TGM7: variants seen among roughly 807,000 people sequenced by gnomAD.
The protein encoded by TGM7 is protein-glutamine gamma-glutamyltransferase Z.
TGM7 carries 74 observed loss-of-function variants against 79.5 expected under a neutral mutation model. The ratio of observed to expected loss-of-function variants is 0.93; its 90% confidence interval spans 0.77 to 1.13. The LOEUF is 1.13. TGM7 is among the 50% of genes most tolerant of loss of function. The probability of loss-of-function intolerance (pLI) is 0.00; values close to 1 mark genes in which losing one functional copy is unlikely to be tolerated. For missense variants in TGM7, 912 were observed against 905.9 expected, an observed-to-expected ratio of 1.01 and a Z score of -0.09; for synonymous variants, 354 against 362.5, an observed-to-expected ratio of 0.98 and a Z score of 0.27.
At chr15:43,281,742 A>G in intron 9 of TGM7, 102 bp downstream of exon 9, 1 of 1,525,206 alleles carries the variant, frequency 6.6e-7, no homozygotes, top group Non-Finnish European at 8.9e-7. Context: ...GCCATGAGGA[A>G]GAGGTGATTC....
chr15:43,297,635 A>AAGAAAGAAAGAAAGAG (rs5812242), intron 1 of TGM7, among the ~76,000 whole-genome samples: 3,232 of 77,600 alleles, frequency 0.042, 57 homozygotes, highest in Admixed American at 0.05. Context: ...GAAAGAAAGA[A>AAGAAAGAAAGAAAGAG]AAAGAAAGAA....
intron 1 of TGM7, among the ~76,000 whole-genome samples, chr15:43,297,587 T>TGGAAAGAAAGAAAGAA (rs1555386111): frequency 1.5e-4 from 17 of 114,570 alleles, no homozygotes; most frequent in African/African-American, 6.1e-4. Context: ...TCTGCATGTA[T>TGGAAAGAAAGAAAGAA]AGAAAGAAAG....
chr15:43,284,729 T>G, intron 7 of TGM7, 85 bp downstream of exon 7: 1 of 1,511,262 alleles, frequency 6.6e-7, no homozygotes, highest in South Asian at 1.2e-5. Flanking sequence ...CTTGCAATAT[T>G]TCCTCAAGAG....
rs768088722 is a variant in TGM7 at position 43,276,909 on chromosome 15, C to T, written c.1926G>A (p.Thr642=). ...NTLMVALSSC[T]MVLEGSGLIN... ...TGAGGCCGCTTCCTTCCAGCACCAT[C>T]GTGCAGCTGCTCAGAGCCACCATTA... Residue 642 remains threonine, a synonymous_variant, in exon 12 of 13, where the codon ACG becomes ACA. Transcript: ENST00000452443. 24 of 1,614,060 alleles carry T rather than the reference C, an allele frequency of 1.5e-5. No individual in the cohort carries two copies. In the South Asian group the frequency reaches 2.2e-4, roughly 15 times the overall value.
At chr15:43,301,990 A>T in intron 1 of TGM7, 1 of 561,394 alleles carries the variant, frequency 1.8e-6, no homozygotes, top group Non-Finnish European at 3.2e-6. Flanking sequence ...TCCCAAGGCC[A>T]TTTCAGCCCC....
rs538347745 is a variant in TGM7 at position 43,288,696 on chromosome 15, G to A, written c.559-1027C>T. Reference sequence around the variant, plus strand: ...TGTAATCCCAGTACTTCGAGAGGCCGAGGCAGGTGGATCACCTGAGGTCAG... The same window carrying A: ...TGTAATCCCAGTACTTCGAGAGGCCAAGGCAGGTGGATCACCTGAGGTCAG... On this transcript the variant is annotated intron_variant, in intron 4 of 12. Transcript: ENST00000452443. Among the ~76,000 whole-genome samples the A allele has an allele frequency of 1.8e-4, 27 of 152,202 alleles. No individual in the cohort carries two copies. In the East Asian group the frequency reaches 3.5e-3, roughly 20 times the overall value.
Position 43,287,382 on chromosome 15 carries a change from C to A in TGM7, c.763G>T (p.Glu255Ter). 1 of 1,614,202 alleles carries A rather than the reference C, an allele frequency of 6.2e-7. No individual in the cohort carries two copies. The highest frequency in any genetic ancestry group is 8.5e-7 in the Non-Finnish European group (1 of 1,180,020). The stretch of plus-strand genomic sequence containing the variant: ...AGGATGGCCACACTGCCCTTCCACT[C>A]CAGAGGACTGACCCCTTTGGAGTAG... ...EDYSKGVSPL[E>*]WKGSVAILQQ... The change falls in exon 6 of 13, where the codon GAG (glutamate) becomes TAG (stop). Residue 255 changes from glutamate (E) to a stop codon, truncating the protein, a stop_gained. Transcript: ENST00000452443. LOFTEE classifies it high-confidence loss of function.
intron 1 of TGM7, among the ~76,000 whole-genome samples, chr15:43,298,044 A>T (rs952310780): frequency 6.6e-6 from 1 of 152,222 alleles, no homozygotes; most frequent in Non-Finnish European, 1.5e-5. Context: ...AGCATTTTAC[A>T]TGTCTGAAAG....
At chr15:43,288,004 G>A (rs953006759) in intron 4 of TGM7, among the ~76,000 whole-genome samples, 5 of 152,104 alleles carry the variant, frequency 3.3e-5, no homozygotes, top group African/African-American at 1.2e-4. Context: ...AGAGGAGAGT[G>A]GGCATATTTA....
At position 43,279,809 on chromosome 15, in the gene TGM7, C is replaced by G. The variant is rs763628004; in HGVS notation, c.1494G>C (p.Arg498Ser). The G allele has an allele frequency of 1.9e-6, 3 of 1,614,216 alleles. No homozygotes were observed. The highest frequency in any genetic ancestry group is 2.5e-6 in the Non-Finnish European group (3 of 1,180,026). The change falls in exon 10 of 13, where the codon AGG (arginine) becomes AGC (serine). Residue 498 changes from arginine to serine, a missense_variant. Transcript: ENST00000452443. ...GCAGGTCCTGGCCCCACTCGGGTAT[C>G]CTGGCCAGGTGAAGCTGCAGCTGCG... ...QPAQLQLHLA[R>S]IPEWGQDLQL...
chr15:43,297,461 GAGAA>G (rs958923802), intron 1 of TGM7, among the ~76,000 whole-genome samples: 14 of 143,292 alleles, frequency 9.8e-5, no homozygotes, highest in South Asian at 6.7e-4. Context: ...TCAAAAAAGA[GAGAA>G]AGAGAGACAG....
At chr15:43,297,913 G>A (rs191629473) in intron 1 of TGM7, among the ~76,000 whole-genome samples, 1 of 152,296 alleles carries the variant, frequency 6.6e-6, no homozygotes, top group Admixed American at 6.5e-5. Flanking sequence ...TTCCACAAAA[G>A]CAAGAGACCT....
intron 8 of TGM7, among the ~76,000 whole-genome samples, 182 bp downstream of exon 8, chr15:43,282,335 C>A (rs2042913660): frequency 6.6e-6 from 1 of 152,224 alleles, no homozygotes; most frequent in Admixed American, 6.5e-5. Flanking sequence ...ATCCAGGTAA[C>A]CCATCCGGGT....
At chr15:43,292,392 A>G (rs1020670977) in intron 3 of TGM7, among the ~76,000 whole-genome samples, 2 of 152,234 alleles carry the variant, frequency 1.3e-5, no homozygotes, top group African/African-American at 4.8e-5. Context: ...GGTAGAAGAC[A>G]ATGGAAACTG....
At position 43,293,565 on chromosome 15, in the gene TGM7, T is replaced by A; in HGVS notation, c.77A>T (p.Gln26Leu). Residue 26 changes from glutamine to leucine, a missense_variant, in exon 2 of 13, where the codon CAG becomes CTG. Physicochemically the swap from Gln to Leu is moderately radical, Grantham distance 113. Coordinates refer to ENST00000452443, the MANE Select transcript of TGM7 (RefSeq NM_052955.3). Reference protein sequence around the residue: ...SSRNNKEHHTQEMGVKRLTVR... With the variant: ...SSRNNKEHHTLEMGVKRLTVR... ...AGTGAGCCGCTTGACGCCCATCTCC[T>A]GCGTGTGGTGCTCCTTGTTGTTCCT... 4 of 1,611,080 alleles carry A rather than the reference T, an allele frequency of 2.5e-6. No homozygotes were observed. The highest frequency in any genetic ancestry group is 3.4e-6 in the Non-Finnish European group (4 of 1,179,596).
At chr15:43,301,047 T>A (rs1315932024) in intron 1 of TGM7, among the ~76,000 whole-genome samples, 2 of 152,058 alleles carry the variant, frequency 1.3e-5, no homozygotes, top group Non-Finnish European at 2.9e-5. Context: ...AGTGGCGCAA[T>A]CTCAGCTCAA....
chr15:43,294,501 G>C (rs759305668), intron 1 of TGM7, among the ~76,000 whole-genome samples: 8 of 152,242 alleles, frequency 5.3e-5, no homozygotes, highest in Non-Finnish European at 1.0e-4. Flanking sequence ...TCATGTGGGC[G>C]TTAAGTGAGG....
At position 43,279,715 on chromosome 15, in the gene TGM7, G is replaced by A. The variant is rs762936718; in HGVS notation, c.1588C>T (p.Arg530Cys). 25 of 1,613,892 alleles carry A rather than the reference G, an allele frequency of 1.5e-5. No individual in the cohort carries two copies. Among genetic ancestry groups the A allele is most frequent in the Admixed American group, 8.3e-5 (5 of 60,020 alleles). ...HPRGPIGLVV[R>C]FCAQALLHGG... ...TGCAGCAGGGCCTGTGCACAGAAGC[G>A]CACCACCAGTCCGATGGGCCCCCGA... The change falls in exon 10 of 13, where the codon CGC becomes TGC. Residue 530 changes from arginine to cysteine, a missense_variant. By Grantham distance (180) the Arg-to-Cys change is radical (BLOSUM62 -3). Transcript: ENST00000452443.
chr15:43,293,422 C>T (rs774297649), intron 2 of TGM7, 27 bp downstream of exon 2: 4 of 1,561,112 alleles, frequency 2.6e-6, no homozygotes, highest in South Asian at 1.2e-5. Context: ...ACGGAACCTG[C>T]GGGGCCTTGG....
Sources: allele counts gnomAD v4.1 joint callset (sites outside exome capture counted in the v4.1 genomes callset), GRCh38; gene constraint gnomAD v4.1.1; transcripts MANE v1.5; gene names NCBI Gene and HGNC (gene_info 2026-07-23, HGNC 2026-07-21).